Variants in CATSPERB observed in about 807,000 individuals in gnomAD.
CATSPERB encodes cation channel sperm-associated auxiliary subunit beta.
In CATSPERB, 93 loss-of-function variants were observed where a neutral mutation model predicts 128.3. That is an observed-to-expected ratio of 0.72 (90% CI 0.61 to 0.86). CATSPERB has a LOEUF of 0.86. Ranked by LOEUF, CATSPERB falls within the 40% of genes least tolerant of loss-of-function variation. The probability of loss-of-function intolerance (pLI) is 0.00; values close to 1 mark genes in which losing one functional copy is unlikely to be tolerated. For synonymous variants in CATSPERB, 381 were observed against 448.8 expected (o/e 0.85, Z 1.91); for missense variants, 1,153 against 1,329.5 (o/e 0.87, Z 2.06).
rs750623098 is a variant in CATSPERB at position 91,664,259 on chromosome 14, CTTTTTT to C, written c.1288-4284_1288-4279del. On this transcript the variant is annotated intron_variant, in intron 14 of 26. Coordinates refer to ENST00000256343, the MANE Select transcript of CATSPERB (RefSeq NM_024764.4). ...ATATGCATTTAAGCTTCTTCCATGT[CTTTTTT>C]TTTTTTTTTTTTTTTTTTGAGACAG... is the stretch of plus-strand genomic sequence containing the variant. 1.1e-4 allele frequency among the ~76,000 whole-genome samples: 13 copies of C among 115,688 alleles called. 2 individuals are homozygous for C. The highest frequency in any genetic ancestry group is 8.5e-5 in the Non-Finnish European group (5 of 58,800). The allele number at this position is 115,688 out of a possible 152,430, so 75.9% of individuals were successfully genotyped here.
chr14:91,663,846 G>A (rs1224189371), intron 14 of CATSPERB, among the ~76,000 whole-genome samples: 1 of 152,000 alleles, frequency 6.6e-6, no homozygotes, highest in Non-Finnish European at 1.5e-5. Flanking sequence ...GTTCAGTAGT[G>A]TTACGTATAT....
chr14:91,621,154 C>A (rs1894034584), intron 19 of CATSPERB, among the ~76,000 whole-genome samples: 2 of 152,186 alleles, frequency 1.3e-5, no homozygotes, highest in Non-Finnish European at 2.9e-5. Flanking sequence ...GTAATCCCAG[C>A]ATTTTGGGAG....
intron 14 of CATSPERB, among the ~76,000 whole-genome samples, chr14:91,664,559 A>G (rs1894946805): frequency 1.3e-5 from 2 of 152,106 alleles, no homozygotes; most frequent in Non-Finnish European, 2.9e-5. Context: ...CATGTCTTTT[A>G]CATGGCTTGA....
intron 5 of CATSPERB, among the ~76,000 whole-genome samples, chr14:91,715,526 TGG>T (rs1043528593): frequency 8.0e-6 from 1 of 125,570 alleles, no homozygotes; most frequent in Non-Finnish European, 1.6e-5. Flanking sequence ...CACTCCAGCC[TGG>T]GCAATAAGAG....
At chr14:91,632,544 T>C (rs1265560720) in intron 17 of CATSPERB, among the ~76,000 whole-genome samples, 1 of 152,154 alleles carries the variant, frequency 6.6e-6, no homozygotes, top group Non-Finnish European at 1.5e-5. Flanking sequence ...TATATGTACC[T>C]AATAACAATC....
Position 91,617,666 on chromosome 14 carries a change from A to G in CATSPERB, c.2331T>C (p.Ala777=). ...TGTCAGTATCATCAAAAGTCACTTCAGCTGTAACTTCCAACAAATTAGGGT... is the reference window on the plus strand; with the variant it reads ...TGTCAGTATCATCAAAAGTCACTTCGGCTGTAACTTCCAACAAATTAGGGT... ...VGNPNLLEVT[A]EVTFDDTDSY... Residue 777 remains alanine (A), a synonymous_variant, in exon 20 of 27, where the codon GCT becomes GCC. Transcript: ENST00000256343. 1 of 1,600,456 alleles carries G rather than the reference A, an allele frequency of 6.2e-7. No individual in the cohort carries two copies. The highest frequency in any genetic ancestry group is 8.5e-7 in the Non-Finnish European group (1 of 1,174,684).
chr14:91,609,809 G>T (rs1051610910), intron 21 of CATSPERB, among the ~76,000 whole-genome samples: 1 of 152,044 alleles, frequency 6.6e-6, no homozygotes, highest in African/African-American at 2.4e-5. Context: ...CACCATCTCC[G>T]CTCACTGCAA....
At chr14:91,660,706 T>C (rs1001467580) in intron 14 of CATSPERB, among the ~76,000 whole-genome samples, 3 of 152,226 alleles carry the variant, frequency 2.0e-5, no homozygotes, top group Admixed American at 6.5e-5. Context: ...AATAGGCTTT[T>C]CTTACATTTC....
chr14:91,681,024 T>C (rs1349165914), intron 11 of CATSPERB, among the ~76,000 whole-genome samples: 1 of 152,174 alleles, frequency 6.6e-6, no homozygotes, highest in Non-Finnish European at 1.5e-5. Flanking sequence ...CCTAAGCCCA[T>C]GCCAGAAAAC....
chr14:91,717,800 A>G (rs1280621274), intron 5 of CATSPERB, among the ~76,000 whole-genome samples: 1 of 152,244 alleles, frequency 6.6e-6, no homozygotes. Flanking sequence ...ATGATTAAGG[A>G]GGAAAAAGTG....
intron 17 of CATSPERB, among the ~76,000 whole-genome samples, chr14:91,629,345 C>G (rs561670731): frequency 8.5e-5 from 13 of 152,154 alleles, no homozygotes; most frequent in Non-Finnish European, 1.5e-4. Context: ...GCAAAAAGAT[C>G]GGTGGTTGCC....
At chr14:91,617,853 A>G (rs1893972859) in intron 19 of CATSPERB, 117 bp from the exon 20 acceptor site, 2 of 718,686 alleles carry the variant, frequency 2.8e-6, no homozygotes, top group Admixed American at 3.2e-5. Flanking sequence ...AGGTTGCACA[A>G]TGACTGCACA....
At chr14:91,630,691 T>C (rs1027503166) in intron 17 of CATSPERB, among the ~76,000 whole-genome samples, 2 of 152,212 alleles carry the variant, frequency 1.3e-5, no homozygotes, top group Non-Finnish European at 2.9e-5. Flanking sequence ...ATTACTTTAA[T>C]AACTTTCTAA....
chr14:91,637,733 G>A (rs562075015), intron 16 of CATSPERB, among the ~76,000 whole-genome samples: 1 of 152,176 alleles, frequency 6.6e-6, no homozygotes, highest in Non-Finnish European at 1.5e-5. Context: ...TTGTGGAGAG[G>A]GAAGTGATAT....
chr14:91,673,953 A>T (rs1895146531), intron 12 of CATSPERB, among the ~76,000 whole-genome samples: 1 of 152,062 alleles, frequency 6.6e-6, no homozygotes, highest in African/African-American at 2.4e-5. Context: ...ATTGCAATGC[A>T]TGTCTTTCTG....
At chr14:91,673,043 AT>A (rs758789523) in intron 12 of CATSPERB, 27 bp from the exon 13 acceptor site, 76 of 1,544,766 alleles carry the variant, frequency 4.9e-5, no homozygotes, top group South Asian at 1.1e-4. Flanking sequence ...GGAAAAATTA[AT>A]GCTGTTTTTG....
intron 15 of CATSPERB, among the ~76,000 whole-genome samples, chr14:91,652,182 A>T (rs1215310209): frequency 1.3e-5 from 2 of 152,188 alleles, no homozygotes; most frequent in Non-Finnish European, 2.9e-5. Context: ...TATTTCCAAG[A>T]CATATTTCTA....
Position 91,608,369 on chromosome 14 carries a change from A to C in CATSPERB, c.2634T>G (p.Ala878=). 6.2e-7 allele frequency: 1 copy of C among 1,609,262 alleles called. No individual in the cohort carries two copies. The highest frequency in any genetic ancestry group is 8.5e-7 in the Non-Finnish European group (1 of 1,175,836). Reference sequence around the variant, plus strand: ...GATAAAAATTATCTGTGAGTGGAATAGCAATTCCCATATTAGATGGAGGCC... The same window carrying C: ...GATAAAAATTATCTGTGAGTGGAATCGCAATTCCCATATTAGATGGAGGCC... ...NYRPPSNMGI[A]IPLTDNFYHA... Residue 878 remains alanine (A), a synonymous_variant, in exon 22 of 27, where the codon GCT becomes GCG. Coordinates refer to ENST00000256343, the MANE Select transcript of CATSPERB (RefSeq NM_024764.4).
At chr14:91,603,855 A>T (rs1893650861) in intron 22 of CATSPERB, among the ~76,000 whole-genome samples, 1 of 152,132 alleles carries the variant, frequency 6.6e-6, no homozygotes, top group South Asian at 2.1e-4. Context: ...ATCATACATG[A>T]GGCCTCACCT....
Sources: gnomAD v4.1 joint callset for allele counts (sites outside exome capture counted in the v4.1 genomes callset) on GRCh38, gnomAD v4.1.1 for gene constraint, MANE v1.5 for transcripts, NCBI Gene and HGNC (gene_info 2026-07-23, HGNC 2026-07-21) for gene names.